Variants in CALB1 observed in about 807,000 individuals in gnomAD.
The protein encoded by CALB1 is calbindin 1.
In CALB1, 16 loss-of-function variants were observed where a neutral mutation model predicts 46.7. The ratio of observed to expected loss-of-function variants is 0.34; its 90% CI spans 0.23 to 0.52. The LOEUF (loss-of-function observed/expected upper bound fraction) is 0.52, where lower values mean the gene tolerates loss of function less well. CALB1 is among the 20% of genes least tolerant of loss of function. CALB1 has a pLI of 0.95. For missense variants in CALB1, 224 were observed against 300.3 expected (o/e 0.75, Z 1.88); for synonymous variants, 90 against 112.8 (o/e 0.80, Z 1.28).
At position 90,069,253 on chromosome 8, in the gene CALB1, GAAGA is replaced by G. The variant is rs1452075960; in HGVS notation, c.232-20_232-17del. The G allele has an allele frequency of 6.2e-7, 1 of 1,603,718 alleles. No individual in the cohort carries two copies. Among genetic ancestry groups the G allele is most frequent in the Non-Finnish European group, 8.5e-7 (1 of 1,170,824 alleles). On this transcript the variant is annotated splice_polypyrimidine_tract_variant and intron_variant, in intron 3 of 10. Transcript: ENST00000265431. Reference sequence around the variant, plus strand: ...CGTGAGCCAACTGGAAAAGATTTAAGAAGAGAGAAACGTGTTGTAAGTTGCTCAA... The same window carrying G: ...CGTGAGCCAACTGGAAAAGATTTAAGGAGAAACGTGTTGTAAGTTGCTCAA...
At chr8:90,065,871 G>A in intron 6 of CALB1, 27 bp downstream of exon 6, 4 of 1,449,832 alleles carry the variant, frequency 2.8e-6, no homozygotes, top group African/African-American at 1.4e-5. Context: ...GAGCTCTTGG[G>A]TACAATCTTT....
intron 6 of CALB1, among the ~76,000 whole-genome samples, chr8:90,065,027 T>C (rs1814367053): frequency 6.6e-6 from 1 of 151,810 alleles, no homozygotes; most frequent in South Asian, 2.1e-4. Context: ...GTAGCTTTTA[T>C]AGTATAGAGC....
At chr8:90,078,601 A>G (rs1814664036) in intron 2 of CALB1, among the ~76,000 whole-genome samples, 154 bp from the exon 3 acceptor site, 1 of 152,040 alleles carries the variant, frequency 6.6e-6, no homozygotes, top group Non-Finnish European at 1.5e-5. Context: ...TAAAGGCATA[A>G]CTGATACACA....
intron 3 of CALB1, among the ~76,000 whole-genome samples, chr8:90,077,508 A>G (rs949037455): frequency 6.6e-6 from 1 of 152,018 alleles, no homozygotes; most frequent in South Asian, 2.1e-4. Flanking sequence ...ATGATTTGGC[A>G]TATTTCAAAT....
chr8:90,062,938 A>C, intron 9 of CALB1, 162 bp downstream of exon 9: 1 of 541,306 alleles, frequency 1.8e-6, no homozygotes, highest in East Asian at 3.1e-5. Flanking sequence ...ATCAATGGGC[A>C]TAAAGTCTCA....
intron 9 of CALB1, chr8:90,061,883 T>A (rs1222334650): frequency 6.6e-6 from 1 of 151,894 alleles, no homozygotes; most frequent in African/African-American, 2.4e-5. Flanking sequence ...CCACAAAAGA[T>A]CCCAAATAGC....
intron 3 of CALB1, among the ~76,000 whole-genome samples, chr8:90,076,141 T>C (rs1316653564): frequency 6.6e-6 from 1 of 152,090 alleles, no homozygotes; most frequent in Non-Finnish European, 1.5e-5. Flanking sequence ...CTTCAGCTGA[T>C]CAAAAGTTCT....
chr8:90,079,932 G>C (rs941176882), intron 2 of CALB1, among the ~76,000 whole-genome samples: 2 of 151,850 alleles, frequency 1.3e-5, no homozygotes, highest in Admixed American at 1.3e-4. Context: ...TGGTTTATAA[G>C]GGCAATTTTT....
In CALB1 at chr8:90,082,804, G is replaced by C. The variant is rs1284565877; in HGVS notation, c.-107C>G. 4.5e-5 allele frequency: 49 copies of C among 1,098,926 alleles called. No individual in the cohort carries two copies. Among genetic ancestry groups the C allele is most frequent in the Non-Finnish European group, 6.7e-5 (48 of 715,632 alleles). 68.1% of individuals were successfully genotyped at this position (1,098,926 alleles called of 1,614,324 possible). ...TGTGCGCGAGTCAGGGCTGCGGAGGGAGACCTGGGCGCGGGCGCTGCCGGG... is the reference window on the plus strand; with the variant it reads ...TGTGCGCGAGTCAGGGCTGCGGAGGCAGACCTGGGCGCGGGCGCTGCCGGG... On this transcript the variant is annotated 5_prime_UTR_variant, in exon 1 of 11. Transcript: ENST00000265431.
intron 5 of CALB1, among the ~76,000 whole-genome samples, chr8:90,067,363 A>G (rs538237798): frequency 3.9e-5 from 6 of 152,298 alleles, no homozygotes; most frequent in African/African-American, 1.4e-4. Context: ...AATTTAGAAC[A>G]AAGAAGGAGG....
At chr8:90,071,821 A>T (rs1406365311) in intron 3 of CALB1, among the ~76,000 whole-genome samples, 1 of 152,032 alleles carries the variant, frequency 6.6e-6, no homozygotes, top group Non-Finnish European at 1.5e-5. Context: ...GCTAACCCCA[A>T]CTCGTCCTTT....
Position 90,058,819 on chromosome 8 carries a change from G to A in CALB1, c.*1354C>T, listed in dbSNP as rs1213115238. The A allele has an allele frequency of 6.6e-6, 1 of 152,124 alleles. No individual in the cohort carries two copies. Among genetic ancestry groups the A allele is most frequent in the Non-Finnish European group, 1.5e-5 (1 of 68,024 alleles). 9.4% of individuals were successfully genotyped at this position (152,124 alleles called of 1,614,324 possible). A position where few individuals can be genotyped will look rare whatever the true frequency, so the allele number is the denominator to read the frequency against. ...TTTATGAATTCAGAAAATAAGTGTT[G>A]AATTTATAGAATGGGGACATTCAAG... On this transcript the variant is annotated 3_prime_UTR_variant, in exon 11 of 11. Coordinates refer to ENST00000265431, the MANE Select transcript of CALB1 (RefSeq NM_004929.4).
At chr8:90,076,521 G>T (rs2130247988) in intron 3 of CALB1, among the ~76,000 whole-genome samples, 1 of 152,012 alleles carries the variant, frequency 6.6e-6, no homozygotes, top group East Asian at 1.9e-4. Flanking sequence ...AAAACACTTT[G>T]TCAATTTTAT....
chr8:90,059,088 G>T lies in CALB1; in HGVS notation c.*1085C>A, dbSNP rs1280714255. The T allele has an allele frequency of 1.3e-5, 2 of 152,182 alleles. No individual in the cohort carries two copies. The highest frequency in any genetic ancestry group is 4.8e-5 in the African/African-American group (2 of 41,416). 9.4% of individuals were successfully genotyped at this position (152,182 alleles called of 1,614,324 possible). A position where few individuals can be genotyped will look rare whatever the true frequency, so the allele number is the denominator to read the frequency against. On this transcript the variant is annotated 3_prime_UTR_variant, in exon 11 of 11. Coordinates refer to ENST00000265431, the MANE Select transcript of CALB1 (RefSeq NM_004929.4). Reference sequence around the variant, plus strand: ...ATTACATTAGCATTTCTTTTCAGATGTTATTTTTTTAAACTCATTTGAAAC... The same window carrying T: ...ATTACATTAGCATTTCTTTTCAGATTTTATTTTTTTAAACTCATTTGAAAC...
intron 3 of CALB1, among the ~76,000 whole-genome samples, chr8:90,071,767 GT>G (rs889311790): frequency 6.6e-6 from 1 of 152,028 alleles, no homozygotes; most frequent in East Asian, 1.9e-4. Flanking sequence ...ATTTTATTAT[GT>G]TTTTTTCATG....
intron 2 of CALB1, among the ~76,000 whole-genome samples, chr8:90,079,698 C>G (rs941207970): frequency 1.3e-5 from 2 of 151,880 alleles, no homozygotes; most frequent in Non-Finnish European, 2.9e-5. Context: ...CATATAATCA[C>G]CACCAATTAA....
intron 9 of CALB1, chr8:90,062,116 T>C (rs1563673242): frequency 6.6e-6 from 1 of 152,090 alleles, no homozygotes; most frequent in Non-Finnish European, 1.5e-5. Context: ...CAAATGGTGT[T>C]AGGTAAACTA....
At chr8:90,072,625 C>T (rs186586280) in intron 3 of CALB1, among the ~76,000 whole-genome samples, 4 of 152,152 alleles carry the variant, frequency 2.6e-5, no homozygotes, top group African/African-American at 4.8e-5. Context: ...TCTCTCAATG[C>T]GTATGAATCA....
Position 90,059,296 on chromosome 8 carries a change from A to T in CALB1, c.*877T>A, listed in dbSNP as rs547469638. 6.5e-6 allele frequency: 1 copy of T among 152,722 alleles called. No homozygotes were observed. The highest frequency in any genetic ancestry group is 2.1e-4 in the South Asian group (1 of 4,824). The allele number at this position is 152,722 out of a possible 1,614,324, so 9.5% of individuals were successfully genotyped here. Reference sequence around the variant, plus strand: ...TATAGCTAGAAAAAAATATTTTCAGAGGCAGCAGATACCCTTGGTGGAAAT... The same window carrying T: ...TATAGCTAGAAAAAAATATTTTCAGTGGCAGCAGATACCCTTGGTGGAAAT... On this transcript the variant is annotated 3_prime_UTR_variant, in exon 11 of 11. Transcript: ENST00000265431.
Sources: allele counts gnomAD v4.1 joint callset (sites outside exome capture counted in the v4.1 genomes callset), GRCh38; gene constraint gnomAD v4.1.1; transcripts MANE v1.5; gene names NCBI Gene and HGNC (gene_info 2026-07-23, HGNC 2026-07-21).